Variants in GPATCH2 observed in about 807,000 individuals in gnomAD.
GPATCH2 encodes G-patch domain containing 2.
A neutral mutation model predicts 58.0 loss-of-function variants in GPATCH2; 51 were observed. The ratio of observed to expected loss-of-function variants is 0.88; its 90% CI spans 0.70 to 1.11. The LOEUF (loss-of-function observed/expected upper bound fraction) is 1.11. Among genes scored for constraint, GPATCH2 ranks in the 50% most tolerant of loss-of-function variants. GPATCH2 has a pLI of 0.00. For synonymous variants in GPATCH2, 222 were observed against 218.5 expected (o/e 1.02, Z -0.14); for missense variants, 625 against 652.2 (o/e 0.96, Z 0.45).
intron 5 of GPATCH2, among the ~76,000 whole-genome samples, chr1:217,573,910 G>T (rs1282044501): frequency 6.6e-6 from 1 of 152,162 alleles, no homozygotes; most frequent in Non-Finnish European, 1.5e-5. Flanking sequence ...TATTCTCACA[G>T]AACAAGCTGT....
At chr1:217,469,519 T>C (rs1199521816) in intron 8 of GPATCH2, among the ~76,000 whole-genome samples, 2 of 152,124 alleles carry the variant, frequency 1.3e-5, no homozygotes, top group African/African-American at 2.4e-5. Context: ...TATAAAGAAA[T>C]TGATTCTTTT....
At chr1:217,498,164 A>T (rs1662102987) in intron 7 of GPATCH2, 192 bp downstream of exon 7, 2 of 678,842 alleles carry the variant, frequency 2.9e-6, no homozygotes, top group Non-Finnish European at 5.3e-6. Context: ...TAAAGGAAAG[A>T]AAACTCTCAT....
chr1:217,511,265 A>G (rs1298357481), intron 6 of GPATCH2, among the ~76,000 whole-genome samples: 1 of 152,190 alleles, frequency 6.6e-6, no homozygotes, highest in Non-Finnish European at 1.5e-5. Context: ...AAGATTTTAT[A>G]CTGTGCACCA....
intron 6 of GPATCH2, among the ~76,000 whole-genome samples, chr1:217,502,018 T>C (rs1662329863): frequency 6.6e-6 from 1 of 151,992 alleles, no homozygotes; most frequent in African/African-American, 2.4e-5. Context: ...CCATTGACTA[T>C]ACTTGTGTGT....
chr1:217,435,041 T>C (rs1262020935), intron 9 of GPATCH2, among the ~76,000 whole-genome samples: 3 of 152,214 alleles, frequency 2.0e-5, no homozygotes, highest in African/African-American at 7.2e-5. Context: ...TCATTATTCA[T>C]GGAAAATGAT....
intron 1 of GPATCH2, among the ~76,000 whole-genome samples, chr1:217,627,432 ACT>A (rs1669522617): frequency 1.3e-5 from 2 of 152,016 alleles, no homozygotes; most frequent in Admixed American, 1.3e-4. Flanking sequence ...CTCCTTGAAG[ACT>A]CTATGGAGCT....
At chr1:217,438,417 A>G (rs548500095) in intron 9 of GPATCH2, among the ~76,000 whole-genome samples, 1 of 152,280 alleles carries the variant, frequency 6.6e-6, no homozygotes, top group East Asian at 1.9e-4. Context: ...GAAGGTGGGT[A>G]ATAACAAACT....
chr1:217,544,915 T>C (rs1382284284), intron 5 of GPATCH2, among the ~76,000 whole-genome samples: 5 of 152,216 alleles, frequency 3.3e-5, no homozygotes, highest in Non-Finnish European at 7.3e-5. Context: ...TTTCCTCCCA[T>C]CTAAGGCTAA....
At chr1:217,615,924 A>C (rs189597925) in intron 2 of GPATCH2, among the ~76,000 whole-genome samples, 25 of 152,216 alleles carry the variant, frequency 1.6e-4, no homozygotes, top group Middle Eastern at 3.4e-3. Flanking sequence ...ACCCCTCTCT[A>C]ATCTATTCTA....
At chr1:217,529,514 C>T (rs1022054891) in intron 5 of GPATCH2, among the ~76,000 whole-genome samples, 1 of 152,150 alleles carries the variant, frequency 6.6e-6, no homozygotes, top group Admixed American at 6.5e-5. Context: ...GTCTGTTTCC[C>T]CTTTGACCTT....
At chr1:217,585,054 T>C (rs1250108296) in intron 5 of GPATCH2, among the ~76,000 whole-genome samples, 1 of 152,050 alleles carries the variant, frequency 6.6e-6, no homozygotes, top group Non-Finnish European at 1.5e-5. Flanking sequence ...ATTAAAAGCA[T>C]TATTAAAAAT....
At chr1:217,571,706 A>G (rs1666552162) in intron 5 of GPATCH2, among the ~76,000 whole-genome samples, 1 of 148,132 alleles carries the variant, frequency 6.8e-6, no homozygotes, top group Non-Finnish European at 1.5e-5. Context: ...ACGAAACCAA[A>G]AAAAAAAAAA....
intron 1 of GPATCH2, among the ~76,000 whole-genome samples, chr1:217,626,534 C>A (rs976982356): frequency 6.6e-6 from 1 of 152,072 alleles, no homozygotes; most frequent in Non-Finnish European, 1.5e-5. Context: ...CTTCAAGATG[C>A]CACATCAAGG....
At position 217,567,575 on chromosome 1, in the gene GPATCH2, A is replaced by T. The variant is rs185385369; in HGVS notation, c.1098+42746T>A. 1.7e-4 allele frequency among the ~76,000 whole-genome samples: 26 copies of T among 152,340 alleles called. No homozygotes were observed. The East Asian group carries it at 4.4e-3, about 26-fold the overall frequency. On this transcript the variant is annotated intron_variant, in intron 5 of 9. Coordinates refer to ENST00000366935, the MANE Select transcript of GPATCH2 (RefSeq NM_018040.5). ...CTTATATCTGATTTGCTTTATGAAC[A>T]CACAGACATAATGCAGGAGAAATGC... is the stretch of plus-strand genomic sequence containing the variant.
intron 5 of GPATCH2, among the ~76,000 whole-genome samples, chr1:217,569,961 T>C (rs891380984): frequency 7.9e-5 from 12 of 151,878 alleles, no homozygotes; most frequent in African/African-American, 2.9e-4. Context: ...ATTTGGAGGG[T>C]TGGTAGGGGT....
intron 5 of GPATCH2, chr1:217,608,672 G>C: frequency 1.0e-6 from 1 of 983,778 alleles, no homozygotes; most frequent in Non-Finnish European, 1.2e-6. Context: ...AAGTTCATAG[G>C]CCAAGGTTTT....
intron 8 of GPATCH2, among the ~76,000 whole-genome samples, chr1:217,478,817 A>C (rs1230396290): frequency 6.6e-6 from 1 of 152,194 alleles, no homozygotes; most frequent in East Asian, 1.9e-4. Context: ...AAACTACCTC[A>C]AAACATTTAA....
At chr1:217,524,844 G>A in intron 5 of GPATCH2, among the ~76,000 whole-genome samples, 1 of 41,238 alleles carries the variant, frequency 2.4e-5, no homozygotes, top group Non-Finnish European at 5.8e-5. Context: ...ATCAGAGGGA[G>A]ACCGGGGAGA....
chr1:217,589,596 T>G (rs745521463), intron 5 of GPATCH2, among the ~76,000 whole-genome samples: 1 of 152,100 alleles, frequency 6.6e-6, no homozygotes, highest in Non-Finnish European at 1.5e-5. Flanking sequence ...AAGAGTTAAC[T>G]GTACCTAAAT....
Sources: gnomAD v4.1 joint callset for allele counts (sites outside exome capture counted in the v4.1 genomes callset) on GRCh38, gnomAD v4.1.1 for gene constraint, MANE v1.5 for transcripts, NCBI Gene and HGNC (gene_info 2026-07-23, HGNC 2026-07-21) for gene names.